The following ENPP2 variants were observed in gnomAD, a reference collection of about 807,000 sequenced individuals.
ENPP2 encodes the protein autotaxin.
ENPP2 carries 51 observed loss-of-function variants against 120.2 expected under a neutral mutation model. That is an observed-to-expected ratio of 0.42 (90% CI 0.34 to 0.54). The LOEUF (loss-of-function observed/expected upper bound fraction) is 0.54. ENPP2 is among the 20% of genes least tolerant of loss of function. The pLI is 0.04. For missense variants in ENPP2, 920 were observed against 1,066.5 expected (o/e 0.86, Z 1.91); for synonymous variants, 365 against 366.4 (o/e 1.00, Z 0.04).
In ENPP2 at chr8:119,558,180, G is replaced by A. The variant is rs570681530; in HGVS notation, c.2422-489C>T. The stretch of plus-strand genomic sequence containing the variant: ...CAAAAGAAACTGCTGCATCAACCAC[G>A]TCATCTACTAGAATGCATAAATTGC... On this transcript the variant is annotated intron_variant, in intron 24 of 24. Coordinates refer to ENST00000075322, the MANE Select transcript of ENPP2 (RefSeq NM_001040092.3). 6.4e-4 allele frequency among the ~76,000 whole-genome samples: 98 copies of A among 152,216 alleles called. No individual in the cohort carries two copies. In the Middle Eastern group the frequency reaches 0.01, roughly 16 times the overall value.
intron 12 of ENPP2, among the ~76,000 whole-genome samples, chr8:119,590,914 C>T (rs1277704508): frequency 7.2e-6 from 1 of 138,242 alleles, no homozygotes; most frequent in African/African-American, 2.7e-5. Context: ...AATAGCAAGA[C>T]AAAGGAAGTC....
intron 22 of ENPP2, among the ~76,000 whole-genome samples, chr8:119,566,761 A>G (rs1164279691): frequency 6.6e-6 from 1 of 152,216 alleles, no homozygotes; most frequent in Non-Finnish European, 1.5e-5. Context: ...AAAGAAATCC[A>G]GAGAACCCTG....
chr8:119,570,745 A>C lies in ENPP2; in HGVS notation c.1877T>G (p.Phe626Cys). Residue 626 changes from phenylalanine (F) to cysteine (C), a missense_variant, in exon 20 of 25, where the codon TTC becomes TGC. Transcript: ENST00000075322. ...TDFESGYSEIFLMPLWTSYTV... is the reference protein window; with the variant it reads ...TDFESGYSEICLMPLWTSYTV... ...ATATGATGTCCAGAGTGGCATTAGG[A>C]ATATTTCACTATAACCACTTTCAAA... The C allele has an allele frequency of 6.3e-7, 1 of 1,592,186 alleles. No individual in the cohort carries two copies. The highest frequency in any genetic ancestry group is 1.3e-5 in the African/African-American group (1 of 74,292).
chr8:119,564,993 G>C, intron 22 of ENPP2, 38 bp from the exon 23 acceptor site: 2 of 1,595,358 alleles, frequency 1.3e-6, no homozygotes, highest in Non-Finnish European at 1.7e-6. Flanking sequence ...AATTATTCAT[G>C]AAGAAAACTC....
At chr8:119,643,168 T>C (rs1428899781), upstream of ENPP2, among the ~76,000 whole-genome samples, 1 of 152,238 alleles carries the variant, frequency 6.6e-6, no homozygotes, top group Non-Finnish European at 1.5e-5. Flanking sequence ...TCTGTTGTCC[T>C]GTTTTTAAGT....
intron 1 of ENPP2, among the ~76,000 whole-genome samples, chr8:119,655,671 T>C (rs1418855365): frequency 6.6e-6 from 1 of 152,220 alleles, no homozygotes; most frequent in Non-Finnish European, 1.5e-5. Context: ...ACAGATGTTG[T>C]ACAGAGATTA....
intron 9 of ENPP2, among the ~76,000 whole-genome samples, chr8:119,605,166 G>A (rs531632880): frequency 2.0e-5 from 3 of 151,992 alleles, no homozygotes; most frequent in Non-Finnish European, 2.9e-5. Flanking sequence ...CAAACTCCTC[G>A]GGCTTGGTGA....
intron 4 of ENPP2, among the ~76,000 whole-genome samples, chr8:119,619,873 C>T (rs936348331): frequency 2.0e-5 from 3 of 151,750 alleles, no homozygotes; most frequent in Admixed American, 6.6e-5. Context: ...AGCATAATGT[C>T]GAGAATAGAG....
At chr8:119,664,955 T>C (rs1044724504) in intron 1 of ENPP2, among the ~76,000 whole-genome samples, 1 of 152,176 alleles carries the variant, frequency 6.6e-6, no homozygotes, top group Admixed American at 6.5e-5. Context: ...ATTCTGGAGA[T>C]GAGAAGTCTG....
At position 119,616,316 on chromosome 8, in the gene ENPP2, A is replaced by G. The variant is rs1345993139; in HGVS notation, c.726T>C (p.Phe242=). The G allele has an allele frequency of 1.2e-6, 2 of 1,609,714 alleles. No individual in the cohort carries two copies. Among genetic ancestry groups the G allele is most frequent in the South Asian group, 1.1e-5 (1 of 90,694 alleles). The change falls in exon 8 of 25, where the codon TTT becomes TTC. Residue 242 remains phenylalanine (F), a synonymous_variant. Transcript: ENST00000075322. ...TAAATTTCTCTCGCCCTCGCAGATG[A>G]AAAGTGGCATCAAATACAGGATCAT... The part of the protein sequence containing the change: ...SMYDPVFDAT[F]HLRGREKFNH...
chr8:119,629,036 A>AC, intron 2 of ENPP2, among the ~76,000 whole-genome samples: 1 of 152,280 alleles, frequency 6.6e-6, no homozygotes, highest in South Asian at 2.1e-4. Context: ...TTATATATAA[A>AC]TACCATACAA....
intron 24 of ENPP2, among the ~76,000 whole-genome samples, chr8:119,561,162 T>C (rs1219271956): frequency 6.6e-6 from 1 of 152,232 alleles, no homozygotes; most frequent in Non-Finnish European, 1.5e-5. Flanking sequence ...TATTTAAACT[T>C]TCTAATTTTC....
At chr8:119,666,137 A>G (rs1818061614) in intron 1 of ENPP2, among the ~76,000 whole-genome samples, 1 of 152,250 alleles carries the variant, frequency 6.6e-6, no homozygotes, top group African/African-American at 2.4e-5. Flanking sequence ...ACATAAAAGA[A>G]TATAGACGGG....
chr8:119,643,575 C>T (rs952485255), upstream of ENPP2, among the ~76,000 whole-genome samples: 1 of 152,110 alleles, frequency 6.6e-6, no homozygotes, highest in South Asian at 2.1e-4. Context: ...CACATGAGCC[C>T]CGACACCAGA....
intron 2 of ENPP2, among the ~76,000 whole-genome samples, chr8:119,632,963 T>C (rs1816773805): frequency 6.6e-6 from 1 of 152,086 alleles, no homozygotes; most frequent in Non-Finnish European, 1.5e-5. Context: ...CAGCTAGGGC[T>C]GAGGCAAGAG....
chr8:119,591,385 G>A (rs892371644), intron 12 of ENPP2, among the ~76,000 whole-genome samples: 1 of 152,162 alleles, frequency 6.6e-6, no homozygotes, highest in Non-Finnish European at 1.5e-5. Context: ...AAGATTTGTT[G>A]TGTGTCCCCA....
chr8:119,586,463 G>T (rs1813118674), intron 14 of ENPP2, 150 bp from the exon 15 acceptor site: 1 of 666,446 alleles, frequency 1.5e-6, no homozygotes, highest in South Asian at 2.0e-5. Flanking sequence ...AATAATGTAT[G>T]CTGAAAACAA....
At chr8:119,566,286 T>C (rs1353066885) in intron 22 of ENPP2, among the ~76,000 whole-genome samples, 2 of 151,908 alleles carry the variant, frequency 1.3e-5, no homozygotes, top group Admixed American at 6.6e-5. Context: ...AAGCAATGGG[T>C]TGGTTCTGAA....
At chr8:119,603,978 C>G (rs964177308) in intron 9 of ENPP2, among the ~76,000 whole-genome samples, 3 of 149,282 alleles carry the variant, frequency 2.0e-5, no homozygotes, top group African/African-American at 7.4e-5. Flanking sequence ...TTTAACCTCT[C>G]TAGGCCTTAG....
Sources: allele counts gnomAD v4.1 joint callset (sites outside exome capture counted in the v4.1 genomes callset), GRCh38; gene constraint gnomAD v4.1.1; transcripts MANE v1.5; gene names NCBI Gene and HGNC (gene_info 2026-07-23, HGNC 2026-07-21).